TMEM132D: variants seen among roughly 807,000 people sequenced by gnomAD.
The protein encoded by TMEM132D is transmembrane protein 132D.
TMEM132D carries 21 observed loss-of-function variants against 62.3 expected under a neutral mutation model. That is an observed-to-expected ratio of 0.34 (90% CI 0.24 to 0.49). TMEM132D has a LOEUF of 0.49. TMEM132D is among the 20% of genes least tolerant of loss of function. The pLI, the probability that TMEM132D is intolerant of heterozygous loss-of-function variation, is 0.99. For synonymous variants in TMEM132D, 621 were observed against 575.6 expected, an observed-to-expected ratio of 1.08 and a Z score of -1.13; for missense variants, 1,346 against 1,402.8, an observed-to-expected ratio of 0.96 and a Z score of 0.65.
At chr12:129,770,874 T>G (rs1870723654) in intron 1 of TMEM132D, among the ~76,000 whole-genome samples, 1 of 152,222 alleles carries the variant, frequency 6.6e-6, no homozygotes, top group Non-Finnish European at 1.5e-5. Flanking sequence ...TGTACTGCTT[T>G]TGCACCATTG....
At position 129,738,661 on chromosome 12, in the gene TMEM132D, T is replaced by G. The variant is rs530163105; in HGVS notation, c.80-37963A>C. Among the ~76,000 whole-genome samples, 8 of 152,294 alleles carry G rather than the reference T, an allele frequency of 5.3e-5. No homozygotes were observed. The East Asian group carries it at 1.5e-3, about 29-fold the overall frequency. ...AGATAGAGCCAGCTGTCCTGAATGA[T>G]TCAGTCAGACCCATTTTCTTTCAAA... On this transcript the variant is annotated intron_variant, in intron 1 of 8. Coordinates refer to ENST00000422113, the MANE Select transcript of TMEM132D (RefSeq NM_133448.3).
chr12:129,696,088 A>G (rs769593088), intron 2 of TMEM132D, among the ~76,000 whole-genome samples: 17 of 152,186 alleles, frequency 1.1e-4, no homozygotes, highest in Non-Finnish European at 1.9e-4. Flanking sequence ...CACAGGGTCA[A>G]TTTCAAACCA....
intron 5 of TMEM132D, among the ~76,000 whole-genome samples, chr12:129,087,850 G>A (rs1874670559): frequency 8.2e-6 from 1 of 122,334 alleles, no homozygotes; most frequent in African/African-American, 2.8e-5. Context: ...ACACCGCAGA[G>A]CCCCGGGGTG....
At chr12:129,433,615 C>T (rs1020952665) in intron 3 of TMEM132D, among the ~76,000 whole-genome samples, 14 of 152,178 alleles carry the variant, frequency 9.2e-5, no homozygotes, top group African/African-American at 3.4e-4. Flanking sequence ...ATACTTGTTG[C>T]CACTAAAAGA....
chr12:129,400,872 G>A (rs1871601749), intron 3 of TMEM132D, among the ~76,000 whole-genome samples: 1 of 152,162 alleles, frequency 6.6e-6, no homozygotes, highest in Non-Finnish European at 1.5e-5. Context: ...TATCACGTTG[G>A]TCATTTAGAA....
chr12:129,303,132 C>T (rs1409865127), intron 4 of TMEM132D, among the ~76,000 whole-genome samples: 1 of 152,100 alleles, frequency 6.6e-6, no homozygotes, highest in African/African-American at 2.4e-5. Flanking sequence ...CAGGGTGTCC[C>T]TTGCAGCCTC....
At chr12:129,460,051 T>A (rs1267256655) in intron 3 of TMEM132D, among the ~76,000 whole-genome samples, 1 of 152,180 alleles carries the variant, frequency 6.6e-6, no homozygotes, top group Non-Finnish European at 1.5e-5. Flanking sequence ...TTTTCTTTTA[T>A]CAGCAACAAT....
intron 1 of TMEM132D, among the ~76,000 whole-genome samples, chr12:129,788,082 C>G (rs181979264): frequency 6.6e-6 from 1 of 152,204 alleles, no homozygotes; most frequent in Non-Finnish European, 1.5e-5. Flanking sequence ...CTTGAATATG[C>G]GGGAAACCAA....
At chr12:129,221,532 C>G (rs1879345784) in intron 4 of TMEM132D, among the ~76,000 whole-genome samples, 1 of 152,192 alleles carries the variant, frequency 6.6e-6, no homozygotes, top group Admixed American at 6.5e-5. Flanking sequence ...AAAATTTCCT[C>G]CATAGGCTGG....
chr12:129,862,432 A>G (rs1318164462), intron 1 of TMEM132D, among the ~76,000 whole-genome samples: 1 of 152,198 alleles, frequency 6.6e-6, no homozygotes, highest in African/African-American at 2.4e-5. Context: ...CTGACACTCC[A>G]CTGCACAGGT....
At chr12:129,435,524 C>T (rs534280284) in intron 3 of TMEM132D, among the ~76,000 whole-genome samples, 8 of 152,084 alleles carry the variant, frequency 5.3e-5, no homozygotes, top group South Asian at 2.1e-4. Flanking sequence ...TGGGGTGAGA[C>T]AATTTCTCAT....
At chr12:129,754,619 C>T (rs1353077509) in intron 1 of TMEM132D, among the ~76,000 whole-genome samples, 1 of 152,152 alleles carries the variant, frequency 6.6e-6, no homozygotes, top group Non-Finnish European at 1.5e-5. Flanking sequence ...GGAGAAGACA[C>T]CTTCCCTTGA....
At chr12:129,511,105 A>G (rs1875484512) in intron 3 of TMEM132D, among the ~76,000 whole-genome samples, 1 of 152,186 alleles carries the variant, frequency 6.6e-6, no homozygotes, top group Admixed American at 6.5e-5. Flanking sequence ...AAATGTATAT[A>G]GTCATGTAAA....
intron 3 of TMEM132D, among the ~76,000 whole-genome samples, chr12:129,441,136 C>CA (rs1480343638): frequency 6.6e-6 from 1 of 152,128 alleles, no homozygotes; most frequent in Admixed American, 6.5e-5. Context: ...CTAAGATTTG[C>CA]AAGATTGCAT....
At chr12:129,322,585 T>C (rs932885536) in intron 4 of TMEM132D, among the ~76,000 whole-genome samples, 1 of 152,162 alleles carries the variant, frequency 6.6e-6, no homozygotes, top group East Asian at 1.9e-4. Context: ...ATTTTATTAC[T>C]ACAAGGCAAA....
intron 2 of TMEM132D, among the ~76,000 whole-genome samples, chr12:129,611,017 C>T (rs1259588659): frequency 6.6e-6 from 1 of 152,188 alleles, no homozygotes; most frequent in Non-Finnish European, 1.5e-5. Context: ...ATGATCTCAG[C>T]TGCACCCCAG....
At chr12:129,821,044 T>C (rs1178128580) in intron 1 of TMEM132D, among the ~76,000 whole-genome samples, 1 of 152,206 alleles carries the variant, frequency 6.6e-6, no homozygotes, top group African/African-American at 2.4e-5. Flanking sequence ...CTTTCTCCTA[T>C]ATAAACCCAT....
In TMEM132D at chr12:129,700,213, G is replaced by A. The variant is rs767636104; in HGVS notation, c.565C>T (p.Leu189=). The A allele has an allele frequency of 2.5e-6, 4 of 1,612,756 alleles. No individual in the cohort carries two copies. Among genetic ancestry groups the A allele is most frequent in the Admixed American group, 1.7e-5 (1 of 59,996 alleles). The change falls in exon 2 of 9, where the codon CTG becomes TTG. Residue 189 remains leucine (L), a synonymous_variant. Transcript: ENST00000422113. ...TCCAGCTCGGCCACGCACAGCCCCA[G>A]GTCCCCCTGCAGCCGGCAGCTGCCC... The part of the protein sequence containing the change: ...VRGSCRLQGD[L]GLCVAELELL...
chr12:129,883,543 G>C (rs1874667713), intron 1 of TMEM132D, among the ~76,000 whole-genome samples: 1 of 152,136 alleles, frequency 6.6e-6, no homozygotes, highest in South Asian at 2.1e-4. Context: ...AAATTCACAA[G>C]CTAGTTCCAA....
Sources: allele counts gnomAD v4.1 joint callset (sites outside exome capture counted in the v4.1 genomes callset), GRCh38; gene constraint gnomAD v4.1.1; transcripts MANE v1.5; gene names NCBI Gene and HGNC (gene_info 2026-07-23, HGNC 2026-07-21).